The following SART3 variants were observed in gnomAD, a reference collection of about 807,000 sequenced individuals.
SART3 encodes spliceosome associated factor 3, U4/U6 recycling protein.
Under a neutral mutation model 122.3 loss-of-function variants are expected in SART3, and 44 were observed. The ratio of observed to expected loss-of-function variants is 0.36; its 90% confidence interval spans 0.28 to 0.46. The LOEUF is 0.46. Among genes scored for constraint, SART3 ranks in the 20% least tolerant of loss-of-function variants. SART3 has a pLI of 1.00. For missense variants in SART3, 1,101 were observed against 1,229.0 expected, an observed-to-expected ratio of 0.90 and a Z score of 1.56; for synonymous variants, 442 against 454.0, an observed-to-expected ratio of 0.97 and a Z score of 0.34.
intron 6 of SART3, among the ~76,000 whole-genome samples, chr12:108,539,811 A>C (rs1873078596): frequency 2.0e-5 from 3 of 152,214 alleles, no homozygotes; most frequent in African/African-American, 7.2e-5. Context: ...CAGGGCCTCC[A>C]TTTCCAGTAA....
At chr12:108,545,783 T>C (rs1248100761) in intron 3 of SART3, among the ~76,000 whole-genome samples, 2 of 152,052 alleles carry the variant, frequency 1.3e-5, no homozygotes, top group East Asian at 1.9e-4. Context: ...CTGGCCAATA[T>C]GGTGAAACCC....
chr12:108,546,367 T>A (rs144535020), intron 3 of SART3, among the ~76,000 whole-genome samples: 296 of 151,174 alleles, frequency 2.0e-3, no homozygotes, highest in African/African-American at 6.7e-3. Context: ...GCCTAGCTAG[T>A]TTTTTGTATT....
chr12:108,537,025 TC>T, intron 9 of SART3: 1 of 529,920 alleles, frequency 1.9e-6, no homozygotes, highest in Non-Finnish European at 3.4e-6. Flanking sequence ...GGGGGGAGTC[TC>T]CCCCAGCTGG....
At chr12:108,535,677 T>A in intron 11 of SART3, 1 of 590,784 alleles carries the variant, frequency 1.7e-6, no homozygotes, top group Non-Finnish European at 3.1e-6. Context: ...AATCTACCTA[T>A]GTTTCCTGAG....
intron 5 of SART3, 66 bp downstream of exon 5, chr12:108,544,361 A>C (rs1318878237): frequency 2.2e-6 from 3 of 1,373,054 alleles, no homozygotes; most frequent in Non-Finnish European, 3.1e-6. Flanking sequence ...GTCTAACTAC[A>C]TGTTGTTCCC....
intron 17 of SART3, chr12:108,524,913 CCT>C: frequency 6.2e-6 from 2 of 320,806 alleles, no homozygotes; most frequent in South Asian, 3.0e-5. Flanking sequence ...CTCATTTCAT[CCT>C]CTTTTTCTCT....
intron 5 of SART3, 65 bp downstream of exon 5, chr12:108,544,362 T>C (rs1873307084): frequency 5.0e-6 from 7 of 1,388,250 alleles, no homozygotes; most frequent in South Asian, 1.2e-5. Context: ...TCTAACTACA[T>C]GTTGTTCCCC....
intron 5 of SART3, among the ~76,000 whole-genome samples, chr12:108,543,788 C>T (rs11113983): frequency 0.011 from 1,703 of 152,330 alleles, 17 homozygotes; most frequent in Middle Eastern, 0.034. Flanking sequence ...ACAACACATG[C>T]CCGTGTCTAG....
chr12:108,524,571 AG>A, intron 17 of SART3, 65 bp from the exon 18 acceptor site: 2 of 1,493,722 alleles, frequency 1.3e-6, no homozygotes, highest in East Asian at 2.3e-5. Context: ...CTCCTCCTGC[AG>A]GGCAGGCACT....
intron 14 of SART3, 74 bp from the exon 15 acceptor site, chr12:108,530,384 GAGA>G (rs1274771390): frequency 5.3e-6 from 8 of 1,522,584 alleles, no homozygotes; most frequent in South Asian, 2.3e-5. Flanking sequence ...CATGAAAGGG[GAGA>G]AGGAGTGGAA....
intron 1 of SART3, among the ~76,000 whole-genome samples, chr12:108,549,941 A>G (rs1224262488): frequency 6.9e-6 from 1 of 145,320 alleles, no homozygotes; most frequent in Non-Finnish European, 1.5e-5. Context: ...TGAGCCTGGG[A>G]GACAGAGGTT....
At chr12:108,530,774 C>T (rs996885130) in intron 14 of SART3, among the ~76,000 whole-genome samples, 6 of 151,992 alleles carry the variant, frequency 3.9e-5, no homozygotes, top group East Asian at 1.9e-4. Flanking sequence ...AGAAGAATGG[C>T]GTGAACCCGG....
intron 12 of SART3, among the ~76,000 whole-genome samples, chr12:108,532,871 A>G (rs1247939513): frequency 1.3e-5 from 2 of 151,766 alleles, no homozygotes; most frequent in East Asian, 3.9e-4. Context: ...CTCCTGCTTC[A>G]GCCTCCTGAG....
At chr12:108,551,182 C>T (rs914968925) in intron 1 of SART3, among the ~76,000 whole-genome samples, 4 of 151,948 alleles carry the variant, frequency 2.6e-5, no homozygotes, top group Non-Finnish European at 5.9e-5. Flanking sequence ...AAAGTTGAAG[C>T]GGACATATTA....
intron 3 of SART3, among the ~76,000 whole-genome samples, chr12:108,546,112 C>G (rs1873404929): frequency 6.6e-6 from 1 of 152,110 alleles, no homozygotes; most frequent in Non-Finnish European, 1.5e-5. Context: ...CATCTCAGAA[C>G]AGTCTATCTG....
At position 108,536,568 on chromosome 12, in the gene SART3, G is replaced by A. The variant is rs1872914372; in HGVS notation, c.1392C>T (p.Phe464=). ...CGCAGCTTGGATCACCACTCTCATT[G>A]AAACCTTCAAAAACAGAATTAGTAA... is the stretch of plus-strand genomic sequence containing the variant. ...EYLKQEVEER[F]NESGDPSCVI... Residue 464 remains phenylalanine (F), a synonymous_variant, in exon 11 of 19, where the codon TTC becomes TTT. Transcript: ENST00000546815. 6.2e-7 allele frequency: 1 copy of A among 1,613,986 alleles called. No homozygotes were observed.
chr12:108,526,521 T>C lies in SART3; in HGVS notation c.1948A>G (p.Ser650Gly). ...QPSKRRRVEN[S>G]IPAAGETQNV... is the part of the protein sequence containing the mutation. Reference sequence around the variant, plus strand: ...TGTGTTTCTCCAGCTGCAGGGATGCTGTTCTCGACCCTTCTGCGTTTGGAA... The same window carrying C: ...TGTGTTTCTCCAGCTGCAGGGATGCCGTTCTCGACCCTTCTGCGTTTGGAA... Residue 650 changes from serine (S) to glycine (G), a missense_variant, in exon 16 of 19, where the codon AGC becomes GGC. This residue lies in a region of SART3 where 885 missense variants were observed against 1,080.1 expected (regional missense o/e 0.82). Coordinates refer to ENST00000546815, the MANE Select transcript of SART3 (RefSeq NM_014706.4). The C allele has an allele frequency of 3.7e-6, 6 of 1,614,178 alleles. No individual in the cohort carries two copies. The highest frequency in any genetic ancestry group is 5.1e-6 in the Non-Finnish European group (6 of 1,180,058).
chr12:108,531,871 TAA>T, intron 13 of SART3: 1 of 350,534 alleles, frequency 2.9e-6, no homozygotes. Flanking sequence ...TTGGCAATGT[TAA>T]GAGACATTTC....
At position 108,543,895 on chromosome 12, in the gene SART3, T is replaced by C. The variant is rs187077689; in HGVS notation, c.781+532A>G. 1.9e-3 allele frequency among the ~76,000 whole-genome samples: 288 copies of C among 152,270 alleles called. 2 individuals are homozygous for C. The highest frequency in any genetic ancestry group is 1.7e-3 in the Non-Finnish European group (117 of 68,020). ...AGCTCCAAAGACTCAAAGGCTTAGATTGCCAAAATGTATTTACCAAATAAG... is the reference window on the plus strand; with the variant it reads ...AGCTCCAAAGACTCAAAGGCTTAGACTGCCAAAATGTATTTACCAAATAAG... On this transcript the variant is annotated intron_variant, in intron 5 of 18. Coordinates refer to ENST00000546815, the MANE Select transcript of SART3 (RefSeq NM_014706.4).
Sources: gnomAD v4.1 joint callset for allele counts (sites outside exome capture counted in the v4.1 genomes callset) on GRCh38, gnomAD v4.1.1 for gene constraint, gnomAD v4.1.1 regional missense constraint, MANE v1.5 for transcripts, NCBI Gene and HGNC (gene_info 2026-07-23, HGNC 2026-07-21) for gene names.